TNPO3: variants seen among roughly 807,000 people sequenced by gnomAD.
TNPO3 encodes the protein transportin 3.
Under a neutral mutation model 122.8 loss-of-function variants are expected in TNPO3, and 65 were observed. That is an observed-to-expected ratio of 0.53 (90% CI 0.43 to 0.65). The LOEUF (loss-of-function observed/expected upper bound fraction) is 0.65, where lower values mean the gene tolerates loss of function less well. Ranked by LOEUF, TNPO3 falls within the 30% of genes least tolerant of loss-of-function variation. TNPO3 has a pLI of 0.00. For synonymous variants in TNPO3, 372 were observed against 411.2 expected, an observed-to-expected ratio of 0.90 and a Z score of 1.15; for missense variants, 850 against 1,136.7, an observed-to-expected ratio of 0.75 and a Z score of 3.63.
chr7:129,010,870 C>T (rs1010486457), intron 4 of TNPO3, among the ~76,000 whole-genome samples: 5 of 151,728 alleles, frequency 3.3e-5, no homozygotes, highest in African/African-American at 1.2e-4. Flanking sequence ...TTAAGGGAGG[C>T]CAAGGAGAGA....
At chr7:128,958,514 C>T (rs1004735056) in intron 21 of TNPO3, among the ~76,000 whole-genome samples, 3 of 152,182 alleles carry the variant, frequency 2.0e-5, no homozygotes, top group African/African-American at 4.8e-5. Context: ...ATACCAGTGC[C>T]TACAGCCAAG....
intron 13 of TNPO3, among the ~76,000 whole-genome samples, chr7:128,983,083 A>ACGGAGC (rs1349163371): frequency 6.6e-6 from 1 of 152,136 alleles, no homozygotes; most frequent in African/African-American, 2.4e-5. Flanking sequence ...AACCTTAAAA[A>ACGGAGC]CGGAGCTCTC....
chr7:128,987,475 G>A (rs1413788246), intron 11 of TNPO3, among the ~76,000 whole-genome samples: 1 of 152,156 alleles, frequency 6.6e-6, no homozygotes, highest in Non-Finnish European at 1.5e-5. Context: ...AGTGCTCCAA[G>A]AAAGTTTATC....
At chr7:128,967,461 C>A in intron 20 of TNPO3, 69 bp from the exon 21 acceptor site, 1 of 996,336 alleles carries the variant, frequency 1.0e-6, no homozygotes, top group Non-Finnish European at 1.6e-6. Flanking sequence ...CCTACAGATA[C>A]TAACAAAACC....
chr7:129,032,363 A>G (rs1806050063), intron 1 of TNPO3, among the ~76,000 whole-genome samples: 1 of 152,228 alleles, frequency 6.6e-6, no homozygotes, highest in South Asian at 2.1e-4. Context: ...CAGAGCAATT[A>G]GGCAAGAAAA....
intron 4 of TNPO3, among the ~76,000 whole-genome samples, chr7:129,008,085 G>C (rs924949875): frequency 2.0e-5 from 3 of 152,046 alleles, no homozygotes; most frequent in African/African-American, 7.3e-5. Context: ...GGATGCAGAG[G>C]TTGCAGTGAG....
rs1336241215 is a variant in TNPO3, at chr7:128,987,026, C to G, written c.1499-106G>C. 3 of 1,208,186 alleles carry G rather than the reference C, an allele frequency of 2.5e-6. No homozygotes were observed. The African/African-American group carries it at 4.7e-5, about 19-fold the overall frequency. 74.8% of individuals were successfully genotyped at this position (1,208,186 alleles called of 1,614,324 possible). ...CTTTTCTTTTTTTAAAGCAAAAGAA[C>G]CCTTTTAAAAAGTGAAATGTGTTCA... On this transcript the variant is annotated intron_variant, in intron 11 of 22. Transcript: ENST00000265388.
chr7:129,041,951 T>C (rs1807428765), intron 1 of TNPO3, among the ~76,000 whole-genome samples: 1 of 152,192 alleles, frequency 6.6e-6, no homozygotes, highest in South Asian at 2.1e-4. Context: ...AATGGTGCAC[T>C]GTTGCTCCAA....
chr7:129,041,226 G>C (rs571100404), intron 1 of TNPO3, among the ~76,000 whole-genome samples: 1 of 152,140 alleles, frequency 6.6e-6, no homozygotes. Flanking sequence ...AATCAGCCAG[G>C]CATGGTGTAC....
chr7:128,974,802 T>C, intron 18 of TNPO3, 66 bp downstream of exon 18: 1 of 1,299,254 alleles, frequency 7.7e-7, no homozygotes, highest in Non-Finnish European at 1.1e-6. Context: ...CAACCAAGGG[T>C]CAGATGGCAA....
intron 21 of TNPO3, among the ~76,000 whole-genome samples, chr7:128,960,172 T>C (rs1303085947): frequency 6.6e-6 from 1 of 152,212 alleles, no homozygotes; most frequent in African/African-American, 2.4e-5. Context: ...CTTGTGGTGA[T>C]GCTGGTATAA....
chr7:128,975,686 T>C (rs1798978914), intron 17 of TNPO3, 133 bp downstream of exon 17: 2 of 637,090 alleles, frequency 3.1e-6, no homozygotes, highest in Non-Finnish European at 5.5e-6. Flanking sequence ...TCCACCTCCC[T>C]GTTATTAGGA....
intron 1 of TNPO3, among the ~76,000 whole-genome samples, chr7:129,050,497 A>G (rs1217488731): frequency 6.6e-6 from 1 of 152,086 alleles, no homozygotes; most frequent in East Asian, 1.9e-4. Context: ...AAGAAGCAGT[A>G]GACTCCTAAA....
At chr7:129,025,076 C>CAGT (rs1196110718) in intron 1 of TNPO3, among the ~76,000 whole-genome samples, 1 of 150,782 alleles carries the variant, frequency 6.6e-6, no homozygotes, top group Non-Finnish European at 1.5e-5. Context: ...AGGCCGGGCG[C>CAGT]AGTGGCTCAC....
At position 128,954,561 on chromosome 7, in the gene TNPO3, T is replaced by C. The variant is rs1796735154; in HGVS notation, c.*856A>G. ...CCCCACCCACCCGCCCACCCCAGTT[T>C]TGGCTCTTCTCTCCAAGGCAGACAA... On this transcript the variant is annotated 3_prime_UTR_variant, in exon 23 of 23. Coordinates refer to ENST00000265388, the MANE Select transcript of TNPO3 (RefSeq NM_012470.4). 1 of 14,066 alleles carries C rather than the reference T, an allele frequency of 7.1e-5. No homozygotes were observed. The highest frequency in any genetic ancestry group is 1.7e-3 in the South Asian group (1 of 580). 0.9% of individuals were successfully genotyped at this position (14,066 alleles called of 1,614,324 possible). A position where few individuals can be genotyped will look rare whatever the true frequency, so the allele number is the denominator to read the frequency against.
At chr7:129,036,894 T>C (rs1010656211) in intron 1 of TNPO3, among the ~76,000 whole-genome samples, 12 of 152,080 alleles carry the variant, frequency 7.9e-5, no homozygotes, top group African/African-American at 2.9e-4. Context: ...TGAAGAATTA[T>C]AGATTGCTAT....
chr7:129,055,904 G>T (rs1458292993), upstream of TNPO3: 4 of 620,390 alleles, frequency 6.4e-6, no homozygotes, highest in East Asian at 8.3e-5. Flanking sequence ...TGATCACAAT[G>T]TGTAAAACAC....
rs187339978 is a variant in TNPO3, at chr7:128,995,570, G to A, written c.1159-1656C>T. Among the ~76,000 whole-genome samples the A allele has an allele frequency of 1.4e-4, 21 of 152,292 alleles. 1 individual carries two copies. The highest frequency in any genetic ancestry group is 5.2e-4 in the Admixed American group (8 of 15,300). ...CACTTACAAGTGTAAGAAATTACCC[G>A]CAAGGGAAATGGTGCCACAGAATTA... On this transcript the variant is annotated intron_variant, in intron 8 of 22. Transcript: ENST00000265388.
At chr7:128,991,593 T>A (rs1318911670) in intron 10 of TNPO3, among the ~76,000 whole-genome samples, 1 of 152,154 alleles carries the variant, frequency 6.6e-6, no homozygotes, top group Non-Finnish European at 1.5e-5. Flanking sequence ...TCTGAAACAA[T>A]GTAATTAATT....
Sources: gnomAD v4.1 joint callset for allele counts (sites outside exome capture counted in the v4.1 genomes callset) on GRCh38, gnomAD v4.1.1 for gene constraint, MANE v1.5 for transcripts, NCBI Gene and HGNC (gene_info 2026-07-23, HGNC 2026-07-21) for gene names.